DNAH17: variants seen among roughly 807,000 people sequenced by gnomAD.
DNAH17 encodes dynein axonemal heavy chain 17.
Under a neutral mutation model 485.6 loss-of-function variants are expected in DNAH17, and 376 were observed. The observed-to-expected ratio is 0.77, with a 90% confidence interval of 0.71 to 0.84. The LOEUF is 0.84. Ranked by LOEUF, DNAH17 falls within the 40% of genes least tolerant of loss-of-function variation. The probability of loss-of-function intolerance (pLI) is 0.00; values close to 1 mark genes in which losing one functional copy is unlikely to be tolerated. For synonymous variants in DNAH17, 3,031 were observed against 2,405.9 expected, an observed-to-expected ratio of 1.26 and a Z score of -7.60; for missense variants, 6,370 against 5,839.3, an observed-to-expected ratio of 1.09 and a Z score of -2.96.
chr17:78,502,094 G>GAAATTCA, intron 33 of DNAH17: 1 of 581,528 alleles, frequency 1.7e-6, no homozygotes, highest in Non-Finnish European at 3.0e-6. Context: ...GTAGTAGAAG[G>GAAATTCA]AAATTCAAGG....
chr17:78,560,621 G>T, intron 13 of DNAH17, 119 bp downstream of exon 13: 1 of 1,148,494 alleles, frequency 8.7e-7, no homozygotes, highest in Non-Finnish European at 1.2e-6. Context: ...AAGAAGTAAA[G>T]CTTTAGGCGA....
At chr17:78,495,786 C>T (rs2090048744) in intron 38 of DNAH17, 89 bp downstream of exon 38, 2 of 1,479,608 alleles carry the variant, frequency 1.4e-6, no homozygotes, top group South Asian at 1.4e-5. Flanking sequence ...TGCCCTCTGC[C>T]CCTCCCCTCT....
rs541649271 is a variant in DNAH17 at position 78,494,051 on chromosome 17, G to A, written c.6393C>T (p.Gly2131=). 28 of 1,612,510 alleles carry A rather than the reference G, an allele frequency of 1.7e-5. No individual in the cohort carries two copies. The highest frequency in any genetic ancestry group is 3.3e-5 in the Admixed American group (2 of 59,944). ...GGTGACACACCTGAGATTTGCCGCT[G>A]CCCGCATTCCCGACGATGAACACGG... ...RHSVFIVGNA[G]SGKSQVLKSL... is the part of the protein sequence containing the mutation. Residue 2131 remains glycine (G), a synonymous_variant, in exon 41 of 81, where the codon GGC becomes GGT. Transcript: ENST00000389840.
chr17:78,449,331 A>G, intron 69 of DNAH17, 83 bp downstream of exon 69: 11 of 1,420,954 alleles, frequency 7.7e-6, no homozygotes, highest in Non-Finnish European at 1.1e-5. Context: ...GGGCCCAACA[A>G]TCTGCCTTTC....
At chr17:78,439,250 C>G (rs369552081) in intron 72 of DNAH17, 33 bp from the exon 73 acceptor site, 3 of 1,587,140 alleles carry the variant, frequency 1.9e-6, no homozygotes, top group Non-Finnish European at 2.6e-6. Context: ...AAAAACACCA[C>G]GTAATTAAAT....
intron 40 of DNAH17, 132 bp downstream of exon 40, chr17:78,494,461 G>T: frequency 9.1e-7 from 1 of 1,098,778 alleles, no homozygotes; most frequent in Middle Eastern, 2.3e-4. Flanking sequence ...GGCAGCTGTG[G>T]CTCAGAGGTC....
intron 69 of DNAH17, among the ~76,000 whole-genome samples, chr17:78,445,907 C>A (rs905028505): frequency 3.9e-4 from 59 of 152,090 alleles, no homozygotes; most frequent in Non-Finnish European, 6.3e-4. Context: ...CAGTGACTCA[C>A]GCCTGTAATC....
At chr17:78,496,366 G>GA (rs35394897) in intron 37 of DNAH17, among the ~76,000 whole-genome samples, 3 of 148,670 alleles carry the variant, frequency 2.0e-5, no homozygotes, top group Non-Finnish European at 4.5e-5. Flanking sequence ...TTGGGGGGAA[G>GA]AAAAAAAAAT....
In DNAH17 at chr17:78,493,942, C is replaced by T. The variant is rs948736022; in HGVS notation, c.6408+94G>A. The T allele has an allele frequency of 1.8e-5, 27 of 1,472,530 alleles. No homozygotes were observed. In the South Asian group the frequency reaches 1.9e-4, roughly 10 times the overall value. 91.2% of individuals were successfully genotyped at this position (1,472,530 alleles called of 1,614,324 possible). A position where few individuals can be genotyped will look rare whatever the true frequency, so the allele number is the denominator to read the frequency against. On this transcript the variant is annotated intron_variant, in intron 41 of 80. Transcript: ENST00000389840. ...CCAGGATGTACTGGGTTGGGGTCTC[C>T]GGGGTGGCGGGGAGTGATGGAGGGC...
intron 16 of DNAH17, 39 bp downstream of exon 16, chr17:78,551,496 C>T: frequency 6.3e-7 from 1 of 1,595,068 alleles, no homozygotes; most frequent in Non-Finnish European, 8.6e-7. Flanking sequence ...AGCCCCAGGC[C>T]CCCACAAAGC....
chr17:78,441,533 T>C (rs113399042), intron 71 of DNAH17, among the ~76,000 whole-genome samples: 2 of 152,142 alleles, frequency 1.3e-5, no homozygotes, highest in African/African-American at 4.8e-5. Flanking sequence ...AAGTTCAGAT[T>C]AGAGCAAAGC....
chr17:78,476,477 C>A (rs888772082), intron 52 of DNAH17, 95 bp downstream of exon 52: 2 of 1,389,280 alleles, frequency 1.4e-6, no homozygotes, highest in East Asian at 5.0e-5. Flanking sequence ...AACAAAGGGC[C>A]CTTCTGAGAG....
At chr17:78,550,779 G>A (rs916703706) in intron 16 of DNAH17, among the ~76,000 whole-genome samples, 1 of 152,200 alleles carries the variant, frequency 6.6e-6, no homozygotes, top group African/African-American at 2.4e-5. Context: ...TGAAAGAAAA[G>A]GACCGTATCA....
intron 33 of DNAH17, 141 bp downstream of exon 33, chr17:78,502,450 C>G: frequency 2.6e-6 from 2 of 758,266 alleles, no homozygotes; most frequent in Non-Finnish European, 4.1e-6. Context: ...CCTGTGGAAA[C>G]GACGGTTTTG....
At chr17:78,513,665 G>A (rs922031885) in intron 26 of DNAH17, among the ~76,000 whole-genome samples, 6 of 152,042 alleles carry the variant, frequency 3.9e-5, no homozygotes, top group African/African-American at 1.4e-4. Context: ...CAAACTCCTG[G>A]CCTCAAGTGA....
Position 78,571,689 on chromosome 17 carries a change from G to C in DNAH17, c.633C>G (p.Asp211Glu). ...SHQIRDVLSK[D>E]SAQALLDGLH... The stretch of plus-strand genomic sequence containing the variant: ...GCCCATCCAGCAGCGCCTGGGCTGA[G>C]TCTTTGCTCAGCACATCCCGGATCT... The change falls in exon 4 of 81, where the codon GAC (aspartate) becomes GAG (glutamate). Residue 211 changes from aspartate to glutamate, a missense_variant. Asp to Glu is a conservative substitution (Grantham distance 45). Coordinates refer to ENST00000389840, the MANE Select transcript of DNAH17 (RefSeq NM_173628.4). 6.2e-7 allele frequency: 1 copy of C among 1,614,022 alleles called. No individual in the cohort carries two copies. The highest frequency in any genetic ancestry group is 8.5e-7 in the Non-Finnish European group (1 of 1,179,880).
Position 78,464,793 on chromosome 17 carries a change from G to C in DNAH17, c.8941-1716C>G, listed in dbSNP as rs151252629. Among the ~76,000 whole-genome samples the C allele has an allele frequency of 4.6e-4, 70 of 152,324 alleles. No homozygotes were observed. The East Asian group carries it at 0.011, about 23-fold the overall frequency. ...CTGGAGCCTTGGCTGCGCCGGGGCT[G>C]ATTGGAAACCACCCCTCCCTGGCAC... On this transcript the variant is annotated intron_variant, in intron 56 of 80. Transcript: ENST00000389840.
At position 78,526,514 on chromosome 17, in the gene DNAH17, A is replaced by G. The variant is rs181901351; in HGVS notation, c.3711+137T>C. 243 of 693,700 alleles carry G rather than the reference A, an allele frequency of 3.5e-4. No homozygotes were observed. In the African/African-American group the frequency reaches 3.8e-3, roughly 11 times the overall value. 43.0% of individuals were successfully genotyped at this position (693,700 alleles called of 1,614,324 possible). A position where few individuals can be genotyped will look rare whatever the true frequency, so the allele number is the denominator to read the frequency against. On this transcript the variant is annotated intron_variant, in intron 24 of 80. Transcript: ENST00000389840. Reference sequence around the variant, plus strand: ...CGCACACGTATGTGCATGCATACACATAAGAGCACTCGTGCACGGCCCCAA... The same window carrying G: ...CGCACACGTATGTGCATGCATACACGTAAGAGCACTCGTGCACGGCCCCAA...
At chr17:78,447,164 T>C (rs2087344801) in intron 69 of DNAH17, among the ~76,000 whole-genome samples, 1 of 152,184 alleles carries the variant, frequency 6.6e-6, no homozygotes, top group Admixed American at 6.5e-5. Flanking sequence ...CCGCCTCAAG[T>C]GATCCTCTTG....
Sources: gnomAD v4.1 joint callset for allele counts (sites outside exome capture counted in the v4.1 genomes callset) on GRCh38, gnomAD v4.1.1 for gene constraint, MANE v1.5 for transcripts, NCBI Gene and HGNC (gene_info 2026-07-23, HGNC 2026-07-21) for gene names.